Variants in CHRM3 observed in about 807,000 individuals in gnomAD.
The protein encoded by CHRM3 is muscarinic acetylcholine receptor M3.
In CHRM3, 11 loss-of-function variants were observed where a neutral mutation model predicts 41.8. The ratio of observed to expected loss-of-function variants is 0.26; its 90% CI spans 0.17 to 0.44. The LOEUF is 0.44. Among genes scored for constraint, CHRM3 ranks in the 20% least tolerant of loss-of-function variants. The pLI is 1.00. For missense variants in CHRM3, 571 were observed against 745.4 expected (o/e 0.77, Z 2.72); for synonymous variants, 297 against 301.4 (o/e 0.99, Z 0.15).
At chr1:239,483,510 A>G (rs189223084) in intron 1 of CHRM3, among the ~76,000 whole-genome samples, 5 of 152,374 alleles carry the variant, frequency 3.3e-5, no homozygotes, top group East Asian at 3.9e-4. Context: ...AGGAGCAACT[A>G]GAAGTAGTTT....
intron 6 of CHRM3, among the ~76,000 whole-genome samples, chr1:239,899,203 T>A (rs971575449): frequency 3.9e-5 from 6 of 152,010 alleles, no homozygotes; most frequent in African/African-American, 1.2e-4. Context: ...TACGTCCTAT[T>A]CAATTTGCTG....
At chr1:239,468,869 C>CA (rs1665915926) in intron 1 of CHRM3, among the ~76,000 whole-genome samples, 1 of 151,984 alleles carries the variant, frequency 6.6e-6, no homozygotes, top group African/African-American at 2.4e-5. Flanking sequence ...TCTAGAAGTT[C>CA]AAATAAAACA....
chr1:239,778,364 G>C (rs1236256083), intron 5 of CHRM3, among the ~76,000 whole-genome samples: 1 of 152,060 alleles, frequency 6.6e-6, no homozygotes, highest in East Asian at 1.9e-4. Context: ...AAATATTACT[G>C]TTATACGTCT....
intron 5 of CHRM3, among the ~76,000 whole-genome samples, chr1:239,752,974 A>C (rs374342354): frequency 2.6e-5 from 4 of 152,342 alleles, no homozygotes; most frequent in African/African-American, 9.6e-5. Context: ...ACATAGAAGA[A>C]GATAGGCAAT....
chr1:239,454,890 T>G (rs1664807802), intron 1 of CHRM3, among the ~76,000 whole-genome samples: 1 of 152,146 alleles, frequency 6.6e-6, no homozygotes, highest in Non-Finnish European at 1.5e-5. Flanking sequence ...TACCCGTGCA[T>G]GTGTACGGGT....
intron 6 of CHRM3, among the ~76,000 whole-genome samples, chr1:239,881,668 C>A (rs1677648059): frequency 6.6e-6 from 1 of 152,144 alleles, no homozygotes; most frequent in Non-Finnish European, 1.5e-5. Context: ...GCTTCCTATG[C>A]CCTTTGAATA....
intron 2 of CHRM3, among the ~76,000 whole-genome samples, chr1:239,532,013 T>TTTTC (rs1558295681): frequency 1.7e-5 from 2 of 115,770 alleles, no homozygotes; most frequent in African/African-American, 6.4e-5. Flanking sequence ...TTCTTTCTTT[T>TTTTC]TTTTTTTTTT....
At chr1:239,558,242 G>GT (rs957869382) in intron 3 of CHRM3, among the ~76,000 whole-genome samples, 3 of 152,018 alleles carry the variant, frequency 2.0e-5, no homozygotes, top group African/African-American at 7.2e-5. Flanking sequence ...TCAGTGATGT[G>GT]TTTTTTTCAT....
intron 3 of CHRM3, among the ~76,000 whole-genome samples, chr1:239,610,127 G>A (rs1252406789): frequency 1.4e-5 from 2 of 141,470 alleles, no homozygotes; most frequent in East Asian, 2.2e-4. Context: ...TGGGAGGCGG[G>A]GCTTGCAGTG....
intron 5 of CHRM3, among the ~76,000 whole-genome samples, chr1:239,791,695 A>C (rs1393800541): frequency 1.3e-5 from 2 of 152,196 alleles, no homozygotes; most frequent in Admixed American, 6.5e-5. Flanking sequence ...CTTGAGAAAA[A>C]AGAAAAGAAA....
At chr1:239,846,609 C>T (rs1039329614) in intron 6 of CHRM3, among the ~76,000 whole-genome samples, 4 of 152,140 alleles carry the variant, frequency 2.6e-5, no homozygotes, top group Non-Finnish European at 5.9e-5. Flanking sequence ...TTCAGAGGAA[C>T]AGCCAATATA....
chr1:239,523,202 A>G (rs757575437), intron 2 of CHRM3, among the ~76,000 whole-genome samples: 15 of 152,194 alleles, frequency 9.9e-5, no homozygotes, highest in Non-Finnish European at 1.8e-4. Flanking sequence ...TATACGTATT[A>G]TATTTATATA....
intron 4 of CHRM3, among the ~76,000 whole-genome samples, chr1:239,641,019 A>C (rs1397804027): frequency 6.6e-6 from 1 of 151,954 alleles, no homozygotes; most frequent in Non-Finnish European, 1.5e-5. Flanking sequence ...TCATTTCGTT[A>C]TGTACCCAGT....
intron 1 of CHRM3, among the ~76,000 whole-genome samples, chr1:239,467,488 G>A (rs1665814445): frequency 6.6e-6 from 1 of 152,100 alleles, no homozygotes; most frequent in Admixed American, 6.6e-5. Flanking sequence ...TTTTAGTAGA[G>A]ACTGGGTTTC....
chr1:239,858,824 T>C (rs568014201), intron 6 of CHRM3, among the ~76,000 whole-genome samples: 19 of 152,212 alleles, frequency 1.2e-4, no homozygotes, highest in Non-Finnish European at 2.2e-4. Context: ...GATTTGCATA[T>C]AGTGGATATT....
chr1:239,563,374 A>G (rs2148500372), intron 3 of CHRM3, among the ~76,000 whole-genome samples: 1 of 152,304 alleles, frequency 6.6e-6, no homozygotes, highest in East Asian at 1.9e-4. Flanking sequence ...CAGATAGCTA[A>G]TGTAATAGTG....
intron 1 of CHRM3, among the ~76,000 whole-genome samples, chr1:239,441,362 C>G (rs539444956): frequency 6.6e-6 from 1 of 152,172 alleles, no homozygotes; most frequent in Admixed American, 6.5e-5. Context: ...ACTATTGTAC[C>G]TTTCATCAGT....
At chr1:239,672,185 G>T (rs1241637984) in intron 4 of CHRM3, among the ~76,000 whole-genome samples, 1 of 152,128 alleles carries the variant, frequency 6.6e-6, no homozygotes, top group Non-Finnish European at 1.5e-5. Flanking sequence ...ACGTAGGTGG[G>T]ACCCCAAGAT....
intron 3 of CHRM3, among the ~76,000 whole-genome samples, chr1:239,565,910 C>CTTTTTTTTT (rs796838831): frequency 6.8e-5 from 8 of 117,426 alleles, no homozygotes; most frequent in South Asian, 2.7e-4. Flanking sequence ...CATCTTTTTT[C>CTTTTTTTTT]TTTTTTTTTT....
Sources: gnomAD v4.1 joint callset for allele counts (sites outside exome capture counted in the v4.1 genomes callset) on GRCh38, gnomAD v4.1.1 for gene constraint, MANE v1.5 for transcripts, NCBI Gene and HGNC (gene_info 2026-07-23, HGNC 2026-07-21) for gene names.